The following UNC79 variants were observed in gnomAD, a reference collection of about 807,000 sequenced individuals.
UNC79 encodes protein unc-79 homolog.
A neutral mutation model predicts 283.1 loss-of-function variants in UNC79; 37 were observed. The ratio of observed to expected loss-of-function variants is 0.13; its 90% CI spans 0.10 to 0.17. The LOEUF (loss-of-function observed/expected upper bound fraction) is 0.17. Among genes scored for constraint, UNC79 ranks in the 10% least tolerant of loss-of-function variants. The pLI is 1.00. For missense variants in UNC79, 2,272 were observed against 3,211.1 expected, an observed-to-expected ratio of 0.71 and a Z score of 7.07; for synonymous variants, 1,107 against 1,200.2, an observed-to-expected ratio of 0.92 and a Z score of 1.61.
Position 93,582,378 on chromosome 14 carries a change from C to T in UNC79, c.2803+34C>T, listed in dbSNP as rs762211223. ...GCACTGACTGCCGGGGAATGCGCCA[C>T]GTGCACATGGCCTGATGCTCAAATC... is the stretch of plus-strand genomic sequence containing the variant. On this transcript the variant is annotated intron_variant, in intron 20 of 48. Transcript: ENST00000555664. 9.3e-5 allele frequency: 150 copies of T among 1,607,338 alleles called. 1 individual carries two copies. Among genetic ancestry groups the T allele is most frequent in the South Asian group, 3.3e-4 (30 of 90,466 alleles).
intron 17 of UNC79, among the ~76,000 whole-genome samples, chr14:93,577,092 T>C (rs2063518490): frequency 6.6e-6 from 1 of 151,902 alleles, no homozygotes; most frequent in Non-Finnish European, 1.5e-5. Flanking sequence ...CCCAGCTACT[T>C]GGGAGGCTGA....
intron 47 of UNC79, among the ~76,000 whole-genome samples, chr14:93,702,137 G>T (rs905311497): frequency 6.6e-6 from 1 of 152,166 alleles, no homozygotes; most frequent in Non-Finnish European, 1.5e-5. Context: ...AATTATAGGG[G>T]GAGACAGTTA....
chr14:93,346,992 GGTGGTGCAGAGCAA>G (rs2053850815), intron 1 of UNC79, among the ~76,000 whole-genome samples: 1 of 151,832 alleles, frequency 6.6e-6, no homozygotes. Flanking sequence ...GGGTGGAAGG[GGTGGTGCAGAGCAA>G]GTGGTGCTAA....
intron 26 of UNC79, among the ~76,000 whole-genome samples, chr14:93,611,430 C>T (rs1264475262): frequency 6.6e-6 from 1 of 152,164 alleles, no homozygotes; most frequent in Non-Finnish European, 1.5e-5. Flanking sequence ...CTGGGAAACT[C>T]GACAACTAAG....
rs151015218 is a variant in UNC79 at position 93,333,894 on chromosome 14, A to G, written c.-351+371A>G. On this transcript the variant is annotated intron_variant, in intron 1 of 49. Coordinates refer to the UNC79 transcript ENST00000256339. ...GGAGACAGGCTCAGAAATACTAACAAGTAGGCAAGCCAAGATCAGAACCCA... is the reference window on the plus strand; with the variant it reads ...GGAGACAGGCTCAGAAATACTAACAGGTAGGCAAGCCAAGATCAGAACCCA... 4.7e-3 allele frequency among the ~76,000 whole-genome samples: 720 copies of G among 152,358 alleles called. 4 individuals carry two copies. Among genetic ancestry groups the G allele is most frequent in the African/African-American group, 0.016 (675 of 41,584 alleles).
At chr14:93,704,565 C>T (rs2075744173) in intron 47 of UNC79, 60 bp from the exon 51 acceptor site, 8 of 1,587,128 alleles carry the variant, frequency 5.0e-6, no homozygotes, top group South Asian at 4.4e-5. Flanking sequence ...TTGCAATGAG[C>T]GAAGCTTTGT....
rs534507020 is a variant in UNC79 at position 93,696,705 on chromosome 14, A to G, written c.7548+2293A>G. On this transcript the variant is annotated intron_variant, in intron 47 of 48. Coordinates refer to ENST00000555664, the Ensembl canonical transcript of UNC79. ...CTGAAGTTTGAGATACAAGTCCTTT[A>G]TCAGGTATGTGATTTGCAAAGATTT... 3.3e-5 allele frequency among the ~76,000 whole-genome samples: 5 copies of G among 151,928 alleles called. No individual in the cohort carries two copies. In the South Asian group the frequency reaches 1.0e-3, roughly 32 times the overall value.
At chr14:93,542,828 A>C in intron 14 of UNC79, 132 bp downstream of exon 14, 1 of 801,434 alleles carries the variant, frequency 1.2e-6, no homozygotes, top group South Asian at 1.8e-5. Flanking sequence ...ATATAGCTAA[A>C]TGAATTTAGT....
intron 1 of UNC79, among the ~76,000 whole-genome samples, chr14:93,460,958 G>A (rs528754572): frequency 6.6e-6 from 1 of 152,276 alleles, no homozygotes; most frequent in African/African-American, 2.4e-5. Flanking sequence ...TAGATTATTG[G>A]TAAAGTAAAT....
chr14:93,608,547 C>T (rs1198079806), intron 26 of UNC79, among the ~76,000 whole-genome samples: 2 of 152,192 alleles, frequency 1.3e-5, no homozygotes, highest in Non-Finnish European at 2.9e-5. Flanking sequence ...TATGTGCACA[C>T]ACAAGGGAAA....
intron 1 of UNC79, among the ~76,000 whole-genome samples, chr14:93,422,690 T>G (rs542626782): frequency 6.6e-6 from 1 of 152,102 alleles, no homozygotes; most frequent in East Asian, 1.9e-4. Context: ...GATAAGTAAA[T>G]TCAGTAAAGT....
intron 1 of UNC79, among the ~76,000 whole-genome samples, chr14:93,439,898 G>A (rs1207136571): frequency 5.3e-5 from 8 of 152,006 alleles, no homozygotes; most frequent in Admixed American, 6.6e-5. Flanking sequence ...TTATGCAAAT[G>A]ACTATCTTAG....
chr14:93,579,091 C>T (rs2141712683), intron 18 of UNC79, among the ~76,000 whole-genome samples: 1 of 152,206 alleles, frequency 6.6e-6, no homozygotes, highest in African/African-American at 2.4e-5. Context: ...TTGCCTGATG[C>T]TTCCTTATGA....
intron 1 of UNC79, among the ~76,000 whole-genome samples, chr14:93,454,431 G>GTGTATA (rs2056739061): frequency 1.1e-5 from 1 of 89,122 alleles, no homozygotes; most frequent in Admixed American, 1.4e-4. Flanking sequence ...ATGTATAGAT[G>GTGTATA]TGTGTATGTG....
At chr14:93,602,475 A>G (rs750379964) in intron 25 of UNC79, among the ~76,000 whole-genome samples, 1 of 152,200 alleles carries the variant, frequency 6.6e-6, no homozygotes, top group Non-Finnish European at 1.5e-5. Context: ...CTATTTTAAT[A>G]CAAGTACCAT....
In UNC79 at chr14:93,606,678, T is replaced by C. The variant is rs140628198; in HGVS notation, c.3754+3260T>C. Among the ~76,000 whole-genome samples, 68 of 152,330 alleles carry C rather than the reference T, an allele frequency of 4.5e-4. No individual in the cohort carries two copies. The East Asian group carries it at 0.012, about 28-fold the overall frequency. On this transcript the variant is annotated intron_variant, in intron 26 of 48. Transcript: ENST00000555664. ...TTTATACAACAAGATTTAAATTTAA[T>C]TGCTGTTTAGGTTGAACTTTTTGGC...
At chr14:93,577,103 G>T (rs914405557) in intron 17 of UNC79, among the ~76,000 whole-genome samples, 1 of 151,996 alleles carries the variant, frequency 6.6e-6, no homozygotes, top group African/African-American at 2.4e-5. Flanking sequence ...GGGAGGCTGA[G>T]GTGGGAGGAT....
intron 41 of UNC79, among the ~76,000 whole-genome samples, chr14:93,679,884 A>G (rs1255489438): frequency 6.6e-6 from 1 of 152,136 alleles, no homozygotes; most frequent in Non-Finnish European, 1.5e-5. Context: ...CTTGTTATAT[A>G]TGATTATATT....
intron 1 of UNC79, among the ~76,000 whole-genome samples, chr14:93,340,654 T>C (rs1474803778): frequency 1.3e-5 from 2 of 151,906 alleles, no homozygotes; most frequent in Non-Finnish European, 2.9e-5. Flanking sequence ...CACTGCAGTC[T>C]TGACCTCCCC....
Sources: gnomAD v4.1 joint callset for allele counts (sites outside exome capture counted in the v4.1 genomes callset) on GRCh38, gnomAD v4.1.1 for gene constraint, MANE v1.5 for transcripts, NCBI Gene and HGNC (gene_info 2026-07-23, HGNC 2026-07-21) for gene names.